HS6ST1: variants seen among roughly 807,000 people sequenced by gnomAD.
The protein encoded by HS6ST1 is heparan sulfate 6-O-sulfotransferase 1, also known as heparan-sulfate 6-O-sulfotransferase 1.
HS6ST1 carries 3 observed loss-of-function variants against 25.2 expected under a neutral mutation model. The observed-to-expected ratio is 0.12, with a 90% CI of 0.05 to 0.31. The LOEUF is 0.31. Among genes scored for constraint, HS6ST1 ranks in the 10% least tolerant of loss-of-function variants. The pLI, the probability that HS6ST1 is intolerant of heterozygous loss-of-function variation, is 1.00. For synonymous variants in HS6ST1, 204 were observed against 275.1 expected (o/e 0.74, Z 2.56); for missense variants, 310 against 609.6 (o/e 0.51, Z 5.18).
At chr2:128,297,726 C>G (rs1403718679) in intron 1 of HS6ST1, among the ~76,000 whole-genome samples, 1 of 152,118 alleles carries the variant, frequency 6.6e-6, no homozygotes, top group Non-Finnish European at 1.5e-5. Context: ...CCCAGCGACT[C>G]AGGAGGCTGA....
intron 1 of HS6ST1, among the ~76,000 whole-genome samples, chr2:128,293,953 A>C (rs1172786209): frequency 6.6e-6 from 1 of 152,164 alleles, no homozygotes; most frequent in Non-Finnish European, 1.5e-5. Flanking sequence ...TGGTTTCACC[A>C]CAGGTTGGGG....
At chr2:128,302,031 A>G (rs1207698436) in intron 1 of HS6ST1, among the ~76,000 whole-genome samples, 2 of 152,122 alleles carry the variant, frequency 1.3e-5, no homozygotes, top group East Asian at 1.9e-4. Flanking sequence ...CCCCAATGAG[A>G]AGACATTCCC....
intron 1 of HS6ST1, among the ~76,000 whole-genome samples, chr2:128,317,467 A>G (rs1456952566): frequency 6.6e-6 from 1 of 152,164 alleles, no homozygotes; most frequent in African/African-American, 2.4e-5. Flanking sequence ...CCCCAGCCCC[A>G]GGTCAACAGG....
chr2:128,273,007 C>T (rs141136274), intron 1 of HS6ST1, among the ~76,000 whole-genome samples: 204 of 152,312 alleles, frequency 1.3e-3, no homozygotes, highest in African/African-American at 4.4e-3. Flanking sequence ...AATGACCAAG[C>T]CTGTCAGCCT....
At chr2:128,277,388 T>C (rs1032046038) in intron 1 of HS6ST1, among the ~76,000 whole-genome samples, 3 of 152,208 alleles carry the variant, frequency 2.0e-5, no homozygotes, top group Non-Finnish European at 2.9e-5. Context: ...CTCCCAGCGT[T>C]CACCCCTGAA....
At chr2:128,270,385 C>CA (rs1693592849) in intron 1 of HS6ST1, among the ~76,000 whole-genome samples, 1 of 152,222 alleles carries the variant, frequency 6.6e-6, no homozygotes, top group Non-Finnish European at 1.5e-5. Flanking sequence ...TCCCACTTCA[C>CA]ACGTCCCAAG....
At chr2:128,313,282 G>A (rs1694317399) in intron 1 of HS6ST1, among the ~76,000 whole-genome samples, 1 of 152,134 alleles carries the variant, frequency 6.6e-6, no homozygotes, top group Non-Finnish European at 1.5e-5. Context: ...TACACACAAG[G>A]AGCAGTCCTG....
intron 1 of HS6ST1, among the ~76,000 whole-genome samples, chr2:128,292,639 C>T (rs1693973779): frequency 1.3e-5 from 2 of 151,962 alleles, no homozygotes; most frequent in Non-Finnish European, 2.9e-5. Flanking sequence ...GACAGCCCAG[C>T]AAGGGCTGTG....
intron 1 of HS6ST1, among the ~76,000 whole-genome samples, chr2:128,307,852 C>T (rs1241327856): frequency 6.6e-6 from 1 of 152,148 alleles, no homozygotes; most frequent in Non-Finnish European, 1.5e-5. Flanking sequence ...GGACCATGAG[C>T]GAGCACCGTG....
intron 1 of HS6ST1, among the ~76,000 whole-genome samples, chr2:128,291,096 T>C (rs142060795): frequency 6.6e-6 from 1 of 152,342 alleles, no homozygotes; most frequent in East Asian, 1.9e-4. Context: ...AAGACAAAGA[T>C]GTCCACTCTC....
intron 1 of HS6ST1, among the ~76,000 whole-genome samples, chr2:128,316,552 C>G (rs1013463144): frequency 1.3e-5 from 2 of 152,180 alleles, no homozygotes; most frequent in African/African-American, 2.4e-5. Flanking sequence ...GCAGCAGGAA[C>G]GTGCATCTGT....
intron 1 of HS6ST1, among the ~76,000 whole-genome samples, chr2:128,316,597 C>T (rs978683643): frequency 2.0e-5 from 3 of 152,170 alleles, no homozygotes; most frequent in Admixed American, 2.0e-4. Context: ...GGAAGCAATC[C>T]TTCAGGGGCC....
chr2:128,299,664 C>T (rs751465064), intron 1 of HS6ST1, among the ~76,000 whole-genome samples: 4 of 152,206 alleles, frequency 2.6e-5, no homozygotes, highest in African/African-American at 4.8e-5. Context: ...GCCAGGCCCC[C>T]GGCAGAAAGC....
At chr2:128,298,860 C>T (rs545420567) in intron 1 of HS6ST1, among the ~76,000 whole-genome samples, 4 of 152,362 alleles carry the variant, frequency 2.6e-5, no homozygotes, top group Admixed American at 6.5e-5. Context: ...TTTCCCACAA[C>T]GAGTGTCCTC....
rs1693546761 is a variant in HS6ST1 at position 128,267,923 on chromosome 2, G to A, written c.*239C>T. On this transcript the variant is annotated 3_prime_UTR_variant, in exon 2 of 2. Transcript: ENST00000259241. Reference sequence around the variant, plus strand: ...ACACCTGCTCTGGAGGCCCTGCCCTGACCATGGCATCCTTCGAGCACGCTT... The same window carrying A: ...ACACCTGCTCTGGAGGCCCTGCCCTAACCATGGCATCCTTCGAGCACGCTT... The A allele has an allele frequency of 3.3e-6, 2 of 597,814 alleles. No individual in the cohort carries two copies. The highest frequency in any genetic ancestry group is 5.9e-5 in the Admixed American group (2 of 33,916). 37.0% of individuals were successfully genotyped at this position (597,814 alleles called of 1,614,324 possible). A position where few individuals can be genotyped will look rare whatever the true frequency, so the allele number is the denominator to read the frequency against.
chr2:128,315,638 T>G (rs919798957), intron 1 of HS6ST1, among the ~76,000 whole-genome samples: 1 of 152,090 alleles, frequency 6.6e-6, no homozygotes, highest in African/African-American at 2.4e-5. Flanking sequence ...CTGCCCCTGA[T>G]AGAGAGTTGC....
At chr2:128,306,836 C>T (rs1272638088) in intron 1 of HS6ST1, among the ~76,000 whole-genome samples, 3 of 152,166 alleles carry the variant, frequency 2.0e-5, no homozygotes, top group Non-Finnish European at 2.9e-5. Flanking sequence ...CCGCAGCAGA[C>T]GGTGCCCAAG....
chr2:128,311,004 C>T (rs994955386), intron 1 of HS6ST1, among the ~76,000 whole-genome samples: 5 of 76,772 alleles, frequency 6.5e-5, no homozygotes, highest in Non-Finnish European at 1.1e-4. Context: ...TTCCACTCCA[C>T]ACCCCGCTCA....
chr2:128,276,194 C>T (rs1047377218), intron 1 of HS6ST1, among the ~76,000 whole-genome samples: 1 of 152,192 alleles, frequency 6.6e-6, no homozygotes, highest in African/African-American at 2.4e-5. Context: ...GTGGTGTGAT[C>T]TTGGCTCACT....
Sources: allele counts gnomAD v4.1 joint callset (sites outside exome capture counted in the v4.1 genomes callset), GRCh38; gene constraint gnomAD v4.1.1; transcripts MANE v1.5; gene names NCBI Gene and HGNC (gene_info 2026-07-23, HGNC 2026-07-21).